The following CCDC15 variants were observed in gnomAD, a reference collection of about 807,000 sequenced individuals.
CCDC15 encodes coiled-coil domain-containing protein 15.
A neutral mutation model predicts 114.5 loss-of-function variants in CCDC15; 105 were observed. The ratio of observed to expected loss-of-function variants is 0.92; its 90% CI spans 0.78 to 1.08. The LOEUF (loss-of-function observed/expected upper bound fraction) is 1.08, where lower values mean the gene tolerates loss of function less well. CCDC15 is among the 50% of genes least tolerant of loss of function. CCDC15 has a pLI of 0.00. For missense variants in CCDC15, 1,105 were observed against 1,093.6 expected, an observed-to-expected ratio of 1.01 and a Z score of -0.15; for synonymous variants, 334 against 377.8, an observed-to-expected ratio of 0.88 and a Z score of 1.34.
At chr11:125,000,536 G>A (rs1231875506) in intron 11 of CCDC15, among the ~76,000 whole-genome samples, 1 of 152,212 alleles carries the variant, frequency 6.6e-6, no homozygotes, top group Non-Finnish European at 1.5e-5. Flanking sequence ...GAGCAAGAGA[G>A]AGAGCCCATA....
intron 13 of CCDC15, among the ~76,000 whole-genome samples, chr11:125,006,481 G>A (rs1948552623): frequency 6.6e-6 from 1 of 152,098 alleles, no homozygotes; most frequent in East Asian, 1.9e-4. Flanking sequence ...TCTGTAGCAT[G>A]TCTTCTCATC....
chr11:124,960,718 A>G (rs1947644540), intron 4 of CCDC15, among the ~76,000 whole-genome samples: 1 of 152,196 alleles, frequency 6.6e-6, no homozygotes, highest in South Asian at 2.1e-4. Flanking sequence ...TTAAAAATTA[A>G]CCACTGTGAG....
At chr11:124,984,473 G>A (rs1318128582) in intron 6 of CCDC15, among the ~76,000 whole-genome samples, 4 of 152,144 alleles carry the variant, frequency 2.6e-5, no homozygotes, top group East Asian at 1.9e-4. Context: ...CACTGTTCAC[G>A]TCCGACAGTT....
At position 124,977,555 on chromosome 11, in the gene CCDC15, A is replaced by G. The variant is rs1947994639; in HGVS notation, c.708A>G (p.Gln236=). 7.5e-6 allele frequency: 12 copies of G among 1,609,410 alleles called. No homozygotes were observed. The highest frequency in any genetic ancestry group is 1.3e-5 in the African/African-American group (1 of 74,738). The change falls in exon 6 of 16, where the codon CAA becomes CAG. Residue 236 remains glutamine (Q), a synonymous_variant. Transcript: ENST00000344762. ...IRGELPIKVH[Q]GLLAAVPYQN... ...GAGAGTTGCCCATTAAGGTCCATCA[A>G]GGTCTTTTAGCTGCTGTACCTTACC...
chr11:124,999,957 G>A (rs1016433337), intron 11 of CCDC15, among the ~76,000 whole-genome samples: 3 of 146,784 alleles, frequency 2.0e-5, no homozygotes, highest in African/African-American at 7.6e-5. Flanking sequence ...TGCTTCCTGA[G>A]TTCAAGTGAT....
intron 13 of CCDC15, among the ~76,000 whole-genome samples, chr11:125,031,329 T>C (rs1314293617): frequency 1.3e-5 from 2 of 152,202 alleles, no homozygotes. Flanking sequence ...AGGCCATTGG[T>C]GCAGGCTGGG....
rs1948192736 is a variant in CCDC15, at chr11:124,987,581, G to C, written c.1355G>C (p.Arg452Thr). 6.2e-7 allele frequency: 1 copy of C among 1,613,868 alleles called. No homozygotes were observed. The highest frequency in any genetic ancestry group is 2.2e-5 in the East Asian group (1 of 44,876). ...LKYQDQDFLP[R>T]DQHVLHKDQD... is the part of the protein sequence containing the mutation. Reference sequence around the variant, plus strand: ...TATCAGGACCAGGACTTCCTACCCAGAGACCAGCATGTTCTCCACAAAGAC... The same window carrying C: ...TATCAGGACCAGGACTTCCTACCCACAGACCAGCATGTTCTCCACAAAGAC... The change falls in exon 8 of 16, where the codon AGA becomes ACA. Residue 452 changes from arginine to threonine, a missense_variant. Arg to Thr is a moderately conservative substitution (Grantham distance 71). Transcript: ENST00000344762.
chr11:124,972,310 C>T (rs761753650), intron 4 of CCDC15, among the ~76,000 whole-genome samples: 2 of 152,096 alleles, frequency 1.3e-5, no homozygotes, highest in African/African-American at 4.8e-5. Flanking sequence ...TGAGTATTTA[C>T]ACACATACAA....
Position 125,004,067 on chromosome 11 carries a change from C to T in CCDC15, c.2307+108C>T, listed in dbSNP as rs560332196. ...GTCCTAACACATAAAAGAGCTAATA[C>T]CACAAATTTCATAAATCAAATAAAA... On this transcript the variant is annotated intron_variant, in intron 12 of 15. Coordinates refer to ENST00000344762, the MANE Select transcript of CCDC15 (RefSeq NM_025004.3). 134 of 501,206 alleles carry T rather than the reference C, an allele frequency of 2.7e-4. 1 individual carries two copies. The South Asian group carries it at 5.5e-3, about 20-fold the overall frequency. 31.0% of individuals were successfully genotyped at this position (501,206 alleles called of 1,614,324 possible). A position where few individuals can be genotyped will look rare whatever the true frequency, so the allele number is the denominator to read the frequency against.
intron 12 of CCDC15, 102 bp from the exon 13 acceptor site, chr11:125,005,007 T>G (rs1948536808): frequency 1.8e-6 from 1 of 551,396 alleles, no homozygotes. Context: ...CATCTGTTTC[T>G]GTTTGCTTGC....
chr11:125,038,800 G>T, intron 14 of CCDC15, 121 bp from the exon 15 acceptor site: 1 of 1,294,430 alleles, frequency 7.7e-7, no homozygotes, highest in Non-Finnish European at 1.1e-6. Flanking sequence ...GTACAAAGAG[G>T]AAATGTCAAG....
chr11:125,037,396 T>C (rs1948782945), intron 13 of CCDC15: 1 of 152,222 alleles, frequency 6.6e-6, no homozygotes, highest in South Asian at 2.1e-4. Flanking sequence ...TTTGGATTGT[T>C]CTCTTCCTAG....
chr11:124,980,103 C>G (rs750413107), intron 6 of CCDC15, among the ~76,000 whole-genome samples: 10 of 152,092 alleles, frequency 6.6e-5, no homozygotes, highest in Admixed American at 1.3e-4. Flanking sequence ...GTTGAACCAA[C>G]CTTGCATCCC....
At chr11:124,991,258 T>C (rs1441058657) in intron 8 of CCDC15, among the ~76,000 whole-genome samples, 1 of 152,204 alleles carries the variant, frequency 6.6e-6, no homozygotes, top group Non-Finnish European at 1.5e-5. Flanking sequence ...CTGAATTGTT[T>C]AGAGTGTAGT....
At chr11:124,990,258 C>T (rs952788598) in intron 8 of CCDC15, among the ~76,000 whole-genome samples, 1 of 152,152 alleles carries the variant, frequency 6.6e-6, no homozygotes, top group African/African-American at 2.4e-5. Context: ...CAACATTTAT[C>T]AGTTAGGTTT....
At chr11:125,018,284 G>C (rs567535373) in intron 13 of CCDC15, among the ~76,000 whole-genome samples, 1 of 152,040 alleles carries the variant, frequency 6.6e-6, no homozygotes, top group South Asian at 2.1e-4. Context: ...TGTTACAGTT[G>C]CCTACAGGAT....
rs11219865 is a variant in CCDC15 at position 125,011,962 on chromosome 11, G to T, written c.2411+6750G>T. 2.6e-5 allele frequency among the ~76,000 whole-genome samples: 4 copies of T among 152,014 alleles called. No individual in the cohort carries two copies. In the South Asian group the frequency reaches 8.3e-4, roughly 31 times the overall value. ...CTTATTCATACCTCTATTTTGTACTGGAAGAATTTCAGATACATGCTATGG... is the reference window on the plus strand; with the variant it reads ...CTTATTCATACCTCTATTTTGTACTTGAAGAATTTCAGATACATGCTATGG... On this transcript the variant is annotated intron_variant, in intron 13 of 15. Transcript: ENST00000344762.
chr11:124,956,890 T>A (rs1313330663), intron 2 of CCDC15, among the ~76,000 whole-genome samples: 1 of 152,174 alleles, frequency 6.6e-6, no homozygotes, highest in African/African-American at 2.4e-5. Flanking sequence ...CCTTAGATCA[T>A]GTCTGTTCTA....
At chr11:124,992,281 A>G (rs938125804) in intron 9 of CCDC15, among the ~76,000 whole-genome samples, 2 of 152,142 alleles carry the variant, frequency 1.3e-5, no homozygotes, top group Admixed American at 6.5e-5. Context: ...TTATTCTTCA[A>G]CTCTTACCAA....
Sources: gnomAD v4.1 joint callset for allele counts (sites outside exome capture counted in the v4.1 genomes callset) on GRCh38, gnomAD v4.1.1 for gene constraint, MANE v1.5 for transcripts, NCBI Gene and HGNC (gene_info 2026-07-23, HGNC 2026-07-21) for gene names.